The following CAMTA2 variants were observed in gnomAD, a reference collection of about 807,000 sequenced individuals.
The protein encoded by CAMTA2 is calmodulin-binding transcription activator 2.
A neutral mutation model predicts 135.7 loss-of-function variants in CAMTA2; 56 were observed. The ratio of observed to expected loss-of-function variants is 0.41; its 90% confidence interval spans 0.33 to 0.52. The LOEUF (loss-of-function observed/expected upper bound fraction) is 0.52. Among genes scored for constraint, CAMTA2 ranks in the 20% least tolerant of loss-of-function variants. The pLI is 0.16. For synonymous variants in CAMTA2, 591 were observed against 604.6 expected (o/e 0.98, Z 0.33); for missense variants, 1,358 against 1,553.4 (o/e 0.87, Z 2.11).
At chr17:4,983,604 G>A (rs1477429428) in intron 3 of CAMTA2, 1 of 132,156 alleles carries the variant, frequency 7.6e-6, no homozygotes, top group Non-Finnish European at 1.6e-5. Flanking sequence ...TTTCTTTTGA[G>A]GCAGAATCTT....
At chr17:4,977,012 A>C in intron 11 of CAMTA2, 46 bp downstream of exon 11, 1 of 1,606,210 alleles carries the variant, frequency 6.2e-7, no homozygotes, top group Non-Finnish European at 8.5e-7. Context: ...TGTCATGCTT[A>C]AAGGCTGTGG....
intron 10 of CAMTA2, 152 bp downstream of exon 10, chr17:4,978,352 A>C: frequency 1.4e-6 from 1 of 736,634 alleles, no homozygotes; most frequent in Non-Finnish European, 2.1e-6. Flanking sequence ...GCCTGCTGGG[A>C]GAGCTTGGGG....
chr17:4,980,386 G>A lies in CAMTA2; in HGVS notation c.936C>T (p.Pro312=), dbSNP rs1328484311. ...AEPLEIRPSP[P]TSRGGSSRGG... is the part of the protein sequence containing the mutation. ...CTCTTGAAGAACCCCCTCGAGAAGTGGGAGGGCTAGGTCTGATTTCTAGGG... is the reference window on the plus strand; with the variant it reads ...CTCTTGAAGAACCCCCTCGAGAAGTAGGAGGGCTAGGTCTGATTTCTAGGG... The change falls in exon 9 of 23, where the codon CCC becomes CCT. Residue 312 remains proline (P), a synonymous_variant. Coordinates refer to ENST00000348066, the MANE Select transcript of CAMTA2 (RefSeq NM_015099.4). This position sits in a 1 kb window ranked among gnomAD's most constrained non-coding sequence, Gnocchi z 5.3. The A allele has an allele frequency of 1.2e-6, 2 of 1,614,102 alleles. No individual in the cohort carries two copies. Among genetic ancestry groups the A allele is most frequent in the Non-Finnish European group, 1.7e-6 (2 of 1,179,988 alleles).
At chr17:4,987,337 G>A (rs1028120425) in intron 1 of CAMTA2, 97 of 1,344,836 alleles carry the variant, frequency 7.2e-5, no homozygotes, top group Non-Finnish European at 8.8e-5. Flanking sequence ...GAGTCCGCGG[G>A]CACGCGGTGG....
rs1972067348 is a variant in CAMTA2 at position 4,968,759 on chromosome 17, T to C, written c.3606A>G (p.Thr1202=). 2.5e-6 allele frequency: 4 copies of C among 1,614,078 alleles called. 1 individual carries two copies. Among genetic ancestry groups the C allele is most frequent in the Non-Finnish European group, 2.5e-6 (3 of 1,180,006 alleles). Residue 1202 remains threonine (T), a synonymous_variant, in exon 23 of 23, where the codon ACA becomes ACG. Coordinates refer to ENST00000348066, the MANE Select transcript of CAMTA2 (RefSeq NM_015099.4). ...LEGLPQPGLA[T] ...GGTGAGAAAGGCGGTGGCCAGGTCA[T>C]GTGGCCAGTCCCGGCTGGGGAAGCC...
chr17:4,974,652 A>C (rs1972510518), intron 11 of CAMTA2, 152 bp from the exon 12 acceptor site: 2 of 593,968 alleles, frequency 3.4e-6, no homozygotes, highest in Non-Finnish European at 6.1e-6. Context: ...CCTTCACCTA[A>C]ATAAAGCCCA....
chr17:4,986,639 G>T, intron 1 of CAMTA2: 1 of 527,812 alleles, frequency 1.9e-6, no homozygotes, highest in Admixed American at 3.8e-5. Context: ...AGGCCATCCG[G>T]TCCTTGGAGG....
chr17:4,968,712 C>G lies in CAMTA2; in HGVS notation c.*44G>C. ...CCAGAAAGCCCTCTCCCTGTTAAGACTGCACGAGGCGCCCCCAGGGTGGTG... is the reference window on the plus strand; with the variant it reads ...CCAGAAAGCCCTCTCCCTGTTAAGAGTGCACGAGGCGCCCCCAGGGTGGTG... On this transcript the variant is annotated 3_prime_UTR_variant, in exon 23 of 23. Transcript: ENST00000348066. The G allele has an allele frequency of 1.2e-6, 2 of 1,612,798 alleles. No individual in the cohort carries two copies. The highest frequency in any genetic ancestry group is 1.7e-6 in the Non-Finnish European group (2 of 1,179,606).
chr17:4,968,196 C>G lies in CAMTA2; in HGVS notation c.*560G>C. ...GTACAAGACCCCTCCCCTCGGGGGA[C>G]GGGGCGGACTCCGCAACGCGTTCCT... On this transcript the variant is annotated 3_prime_UTR_variant, in exon 23 of 23. Transcript: ENST00000348066. 3.9e-6 allele frequency: 1 copy of G among 255,558 alleles called. No individual in the cohort carries two copies. Among genetic ancestry groups the G allele is most frequent in the Middle Eastern group, 1.4e-3 (1 of 696 alleles). 15.8% of individuals were successfully genotyped at this position (255,558 alleles called of 1,614,324 possible).
chr17:4,985,740 T>C (rs1189519872), intron 3 of CAMTA2, 140 bp downstream of exon 3: 2 of 627,450 alleles, frequency 3.2e-6, no homozygotes, highest in Admixed American at 2.8e-5. Context: ...CATGTTTTTA[T>C]ACCTCTCCTA....
rs370434616 is a variant in CAMTA2, at chr17:4,980,669, C to T, written c.701-48G>A. The T allele has an allele frequency of 5.3e-4, 741 of 1,407,726 alleles. 1 individual carries two copies. The highest frequency in any genetic ancestry group is 2.8e-3 in the Middle Eastern group (14 of 5,072). 87.2% of individuals were successfully genotyped at this position (1,407,726 alleles called of 1,614,324 possible). A position where few individuals can be genotyped will look rare whatever the true frequency, so the allele number is the denominator to read the frequency against. On this transcript the variant is annotated intron_variant, in intron 8 of 22. Transcript: ENST00000348066. The surrounding 1 kb of genome is among the most constrained non-coding windows in gnomAD (Gnocchi z 5.3). Reference sequence around the variant, plus strand: ...GGAGAGGAGATAAGACACATCATTCCGCACCTTCTCTACCTTGAGGCCCTT... The same window carrying T: ...GGAGAGGAGATAAGACACATCATTCTGCACCTTCTCTACCTTGAGGCCCTT...
intron 11 of CAMTA2, among the ~76,000 whole-genome samples, chr17:4,975,309 CAA>C (rs895478668): frequency 6.6e-6 from 1 of 151,550 alleles, no homozygotes; most frequent in Non-Finnish European, 1.5e-5. Context: ...CCAAGGAAAA[CAA>C]AGGGAGGAGA....
intron 16 of CAMTA2, 42 bp downstream of exon 16, chr17:4,972,190 C>G (rs373686656): frequency 1.4e-4 from 217 of 1,541,078 alleles, no homozygotes; most frequent in Non-Finnish European, 1.8e-4. Context: ...ACCCTTCCTA[C>G]TCCACTTCTA....
rs949047966 is a variant in CAMTA2, at chr17:4,969,299, C to A, written c.3321G>T (p.Leu1107=). 2 of 1,614,042 alleles carry A rather than the reference C, an allele frequency of 1.2e-6. No individual in the cohort carries two copies. Among genetic ancestry groups the A allele is most frequent in the Admixed American group, 1.7e-5 (1 of 60,014 alleles). Residue 1107 remains leucine, a synonymous_variant, in exon 21 of 23, where the codon CTG becomes CTT. Coordinates refer to ENST00000348066, the MANE Select transcript of CAMTA2 (RefSeq NM_015099.4). The surrounding 1 kb of genome is among the most constrained non-coding windows in gnomAD (Gnocchi z 5.6). ...LYKKMTQAAI[L]IQSKFRSYYE... ...AGTAGCTTCGGAACTTGCTCTGGATCAGGATGGCCGCCTGGGTCATCTTCT... is the reference window on the plus strand; with the variant it reads ...AGTAGCTTCGGAACTTGCTCTGGATAAGGATGGCCGCCTGGGTCATCTTCT...
intron 15 of CAMTA2, 26 bp downstream of exon 15, chr17:4,972,743 C>T: frequency 6.2e-7 from 1 of 1,603,702 alleles, no homozygotes; most frequent in Non-Finnish European, 8.5e-7. Context: ...ACATCCCTCT[C>T]TCCAAAAGAT....
intron 12 of CAMTA2, 113 bp downstream of exon 12, chr17:4,974,272 C>T (rs1972479709): frequency 1.4e-6 from 1 of 701,654 alleles, no homozygotes; most frequent in South Asian, 1.7e-5. Context: ...GGAAGACAGG[C>T]TGAGGAGGCT....
intron 11 of CAMTA2, among the ~76,000 whole-genome samples, chr17:4,976,026 G>T (rs1972593543): frequency 1.3e-5 from 2 of 151,782 alleles, no homozygotes; most frequent in South Asian, 4.1e-4. Context: ...TTTTTTTTGA[G>T]ACGGAGTCTC....
intron 3 of CAMTA2, among the ~76,000 whole-genome samples, chr17:4,984,410 G>C: frequency 6.6e-6 from 1 of 152,154 alleles, no homozygotes; most frequent in Middle Eastern, 3.2e-3. Flanking sequence ...CTGCATGTTA[G>C]TGCCCTACAA....
At position 4,985,756 on chromosome 17, in the gene CAMTA2, C is replaced by G; in HGVS notation, c.135+124G>C. ...ATGTTTTTATACCTCTCCTAGGATC[C>G]CCAAAGAGCTTAGAATGGTGCTCTG... is the stretch of plus-strand genomic sequence containing the variant. On this transcript the variant is annotated intron_variant, in intron 3 of 22. Transcript: ENST00000348066. 4 of 685,828 alleles carry G rather than the reference C, an allele frequency of 5.8e-6. No homozygotes were observed. In the South Asian group the frequency reaches 6.5e-5, roughly 11 times the overall value. 42.5% of individuals were successfully genotyped at this position (685,828 alleles called of 1,614,324 possible). A position where few individuals can be genotyped will look rare whatever the true frequency, so the allele number is the denominator to read the frequency against.
Sources: allele counts gnomAD v4.1 joint callset (sites outside exome capture counted in the v4.1 genomes callset), GRCh38; gene constraint gnomAD v4.1.1; non-coding constraint Gnocchi (gnomAD v3.1); transcripts MANE v1.5; gene names NCBI Gene and HGNC (gene_info 2026-07-23, HGNC 2026-07-21).